RFTN1: variants seen among roughly 807,000 people sequenced by gnomAD.
The protein encoded by RFTN1 is raftlin, lipid raft linker 1.
RFTN1 carries 26 observed loss-of-function variants against 46.5 expected under a neutral mutation model. The ratio of observed to expected loss-of-function variants is 0.56; its 90% CI spans 0.41 to 0.78. The LOEUF is 0.78. Ranked by LOEUF, RFTN1 falls within the 30% of genes least tolerant of loss-of-function variation. The pLI is 0.00. For missense variants in RFTN1, 693 were observed against 718.7 expected, an observed-to-expected ratio of 0.96 and a Z score of 0.41; for synonymous variants, 261 against 284.2, an observed-to-expected ratio of 0.92 and a Z score of 0.82.
In RFTN1 at chr3:16,381,903, C is replaced by G. The variant is rs982389639; in HGVS notation, c.442-3801G>C. 6.6e-6 allele frequency among the ~76,000 whole-genome samples: 1 copy of G among 152,222 alleles called. No homozygotes were observed. The highest frequency in any genetic ancestry group is 2.4e-5 in the African/African-American group (1 of 41,458). ...GCCAGCATATCCGACTCTCCCACCA[C>G]AGTCATAACCTCAAGAGCAGAGGAG... is the stretch of plus-strand genomic sequence containing the variant. On this transcript the variant is annotated intron_variant, in intron 4 of 9. Coordinates refer to ENST00000334133, the MANE Select transcript of RFTN1 (RefSeq NM_015150.2). The surrounding 1 kb of genome is among the most constrained non-coding windows in gnomAD (Gnocchi z 4.2).
rs781007349 is a variant in RFTN1 at position 16,316,282 on chromosome 3, G to C, written c.*546C>G. On this transcript the variant is annotated 3_prime_UTR_variant, in exon 10 of 10. Coordinates refer to ENST00000334133, the MANE Select transcript of RFTN1 (RefSeq NM_015150.2). The surrounding 1 kb of genome is among the most constrained non-coding windows in gnomAD (Gnocchi z 4.5). ...ACTATTTTGAGAAAAGCTGGGAGGC[G>C]GAGCACCTCCCCTCCCCAATGTCAT... 1 of 158,522 alleles carries C rather than the reference G, an allele frequency of 6.3e-6. No individual in the cohort carries two copies. Among genetic ancestry groups the C allele is most frequent in the African/African-American group, 2.4e-5 (1 of 41,494 alleles). The allele number at this position is 158,522 out of a possible 1,614,324, so 9.8% of individuals were successfully genotyped here. A position where few individuals can be genotyped will look rare whatever the true frequency, so the allele number is the denominator to read the frequency against.
rs953602241 is a variant in RFTN1 at position 16,447,251 on chromosome 3, A to G, written c.146-13214T>C. Among the ~76,000 whole-genome samples, 2 of 152,238 alleles carry G rather than the reference A, an allele frequency of 1.3e-5. No homozygotes were observed. Among genetic ancestry groups the G allele is most frequent in the African/African-American group, 4.8e-5 (2 of 41,454 alleles). ...TTCCTCTGTCTTATGACATCACAAA[A>G]GATTCAACAAAACTCAGTCAAATGA... On this transcript the variant is annotated intron_variant, in intron 2 of 9. Coordinates refer to ENST00000334133, the MANE Select transcript of RFTN1 (RefSeq NM_015150.2). This position sits in a 1 kb window ranked among gnomAD's most constrained non-coding sequence, Gnocchi z 5.9.
At chr3:16,415,506 C>T (rs940673889) in intron 3 of RFTN1, among the ~76,000 whole-genome samples, 1 of 150,556 alleles carries the variant, frequency 6.6e-6, no homozygotes, top group African/African-American at 2.4e-5. Flanking sequence ...TGGACTGCAG[C>T]TGGAGATATA....
intron 2 of RFTN1, among the ~76,000 whole-genome samples, chr3:16,472,984 A>T: frequency 6.6e-6 from 1 of 152,204 alleles, no homozygotes; most frequent in East Asian, 1.9e-4. Context: ...ACAGAGTCAG[A>T]CAGGTAGGGC....
intron 6 of RFTN1, among the ~76,000 whole-genome samples, chr3:16,360,757 A>G (rs964542882): frequency 1.3e-5 from 2 of 152,244 alleles, no homozygotes; most frequent in South Asian, 2.1e-4. Flanking sequence ...ATATTTAACC[A>G]TAGAAAAATA....
chr3:16,391,284 T>C (rs1390935768), intron 4 of RFTN1, among the ~76,000 whole-genome samples: 1 of 152,252 alleles, frequency 6.6e-6, no homozygotes, highest in African/African-American at 2.4e-5. Context: ...TTATTTCATA[T>C]GCTAAATTTA....
In RFTN1 at chr3:16,458,962, G is replaced by T. The variant is rs145304210; in HGVS notation, c.146-24925C>A. Among the ~76,000 whole-genome samples, 16 of 152,204 alleles carry T rather than the reference G, an allele frequency of 1.1e-4. No individual in the cohort carries two copies. In the South Asian group the frequency reaches 3.3e-3, roughly 32 times the overall value. ...TTTCTTTTCTTTTCCTTGAGACAGC[G>T]TCTCACTCTGTCACCAGGTTGGAGA... On this transcript the variant is annotated intron_variant, in intron 2 of 9. Coordinates refer to ENST00000334133, the MANE Select transcript of RFTN1 (RefSeq NM_015150.2). The surrounding 1 kb of genome is among the most constrained non-coding windows in gnomAD (Gnocchi z 5.1).
At position 16,480,024 on chromosome 3, in the gene RFTN1, C is replaced by T. The variant is rs1231334154; in HGVS notation, c.145+13701G>A. Among the ~76,000 whole-genome samples the T allele has an allele frequency of 6.6e-6, 1 of 152,194 alleles. No individual in the cohort carries two copies. Among genetic ancestry groups the T allele is most frequent in the Non-Finnish European group, 1.5e-5 (1 of 68,030 alleles). On this transcript the variant is annotated intron_variant, in intron 2 of 9. Transcript: ENST00000334133. The surrounding 1 kb of genome is among the most constrained non-coding windows in gnomAD (Gnocchi z 4.3). The stretch of plus-strand genomic sequence containing the variant: ...AGAATTTGGTGGGATGTTTCAGACG[C>T]TGTTTCCTACATTGAGAGACCTTAC...
chr3:16,373,471 G>A (rs557513614), intron 5 of RFTN1, among the ~76,000 whole-genome samples: 27 of 152,356 alleles, frequency 1.8e-4, no homozygotes, highest in African/African-American at 6.5e-4. Context: ...GGCTACTAGG[G>A]AGTGGGGAGG....
chr3:16,398,098 T>C (rs1038565730), intron 4 of RFTN1, among the ~76,000 whole-genome samples: 1 of 151,504 alleles, frequency 6.6e-6, no homozygotes, highest in Non-Finnish European at 1.5e-5. Context: ...TACGAAAAAA[T>C]CAGCTGGGCG....
chr3:16,326,719 G>T, intron 8 of RFTN1, 54 bp downstream of exon 8: 2 of 1,343,208 alleles, frequency 1.5e-6, no homozygotes, highest in Non-Finnish European at 2.1e-6. Flanking sequence ...TAGGAACAGT[G>T]ACTAGCACAG....
At chr3:16,416,693 A>G (rs897003181) in intron 3 of RFTN1, among the ~76,000 whole-genome samples, 6 of 152,308 alleles carry the variant, frequency 3.9e-5, no homozygotes, top group African/African-American at 1.4e-4. Flanking sequence ...AAAGGGAAAA[A>G]TAGAAAGAAT....
At position 16,480,347 on chromosome 3, in the gene RFTN1, A is replaced by G. The variant is rs755808001; in HGVS notation, c.145+13378T>C. ...CCCTTCCCTCTTTTAAGAGGGCCCA[A>G]TGAGGCTGTCAAACTAATGTGTACT... On this transcript the variant is annotated intron_variant, in intron 2 of 9. Coordinates refer to ENST00000334133, the MANE Select transcript of RFTN1 (RefSeq NM_015150.2). This position sits in a 1 kb window ranked among gnomAD's most constrained non-coding sequence, Gnocchi z 4.3. Among the ~76,000 whole-genome samples, 14 of 152,220 alleles carry G rather than the reference A, an allele frequency of 9.2e-5. No homozygotes were observed. The highest frequency in any genetic ancestry group is 4.6e-4 in the Admixed American group (7 of 15,282).
chr3:16,417,131 C>G (rs2075097680), intron 3 of RFTN1, among the ~76,000 whole-genome samples: 1 of 151,548 alleles, frequency 6.6e-6, no homozygotes, highest in Non-Finnish European at 1.5e-5. Flanking sequence ...CACCTCAGCC[C>G]CCCAAGTAGC....
chr3:16,505,958 G>A (rs2076797641), intron 1 of RFTN1, among the ~76,000 whole-genome samples: 1 of 152,158 alleles, frequency 6.6e-6, no homozygotes, highest in Admixed American at 6.5e-5. Context: ...TAAAACAAAA[G>A]AGATTCACAC....
intron 2 of RFTN1, among the ~76,000 whole-genome samples, chr3:16,487,817 G>T (rs1030577426): frequency 2.6e-5 from 4 of 152,176 alleles, no homozygotes; most frequent in African/African-American, 7.2e-5. Context: ...GGCATAACGG[G>T]GTACCGTTTT....
chr3:16,443,987 G>C lies in RFTN1; in HGVS notation c.146-9950C>G, dbSNP rs1213823034. Among the ~76,000 whole-genome samples, 4 of 152,174 alleles carry C rather than the reference G, an allele frequency of 2.6e-5. No individual in the cohort carries two copies. The highest frequency in any genetic ancestry group is 5.9e-5 in the Non-Finnish European group (4 of 68,034). ...GGTCCCCTGATGCTTAGGTTTAGTA[G>C]TGGGCACTCAAATATTAAAAGCAAC... On this transcript the variant is annotated intron_variant, in intron 2 of 9. Transcript: ENST00000334133. The surrounding 1 kb of genome is among the most constrained non-coding windows in gnomAD (Gnocchi z 5.5).
rs1411635461 is a variant in RFTN1, at chr3:16,329,366, C to T, written c.1147-2490G>A. Among the ~76,000 whole-genome samples, 4 of 151,722 alleles carry T rather than the reference C, an allele frequency of 2.6e-5. No homozygotes were observed. The South Asian group carries it at 8.4e-4, about 32-fold the overall frequency. ...GAGAAAGGGAAAGGGAAAGAGGAAA[C>T]TTAATAAAGGAAGGCGGAAGGGAGG... On this transcript the variant is annotated intron_variant, in intron 7 of 9. Transcript: ENST00000334133. This position sits in a 1 kb window ranked among gnomAD's most constrained non-coding sequence, Gnocchi z 4.5.
chr3:16,447,987 C>CT lies in RFTN1; in HGVS notation c.146-13951dup, dbSNP rs373040420. Among the ~76,000 whole-genome samples the CT allele has an allele frequency of 6.6e-6, 1 of 151,974 alleles. No homozygotes were observed. The highest frequency in any genetic ancestry group is 1.5e-5 in the Non-Finnish European group (1 of 67,988). Reference sequence around the variant, plus strand: ...CTCTTCCTCTCTCCTTCTTTTCTCTCTTTTTTCTTTTCTTCCTCCCTTCCA... The same window carrying CT: ...CTCTTCCTCTCTCCTTCTTTTCTCTCTTTTTTTCTTTTCTTCCTCCCTTCCA... On this transcript the variant is annotated intron_variant, in intron 2 of 9. Coordinates refer to ENST00000334133, the MANE Select transcript of RFTN1 (RefSeq NM_015150.2). The surrounding 1 kb of genome is among the most constrained non-coding windows in gnomAD (Gnocchi z 5.9).
Sources: allele counts gnomAD v4.1 joint callset (sites outside exome capture counted in the v4.1 genomes callset), GRCh38; gene constraint gnomAD v4.1.1; non-coding constraint Gnocchi (gnomAD v3.1); transcripts MANE v1.5; gene names NCBI Gene and HGNC (gene_info 2026-07-23, HGNC 2026-07-21).